ORC5: variants seen among roughly 807,000 people sequenced by gnomAD.
ORC5 encodes the protein protein phosphatase 1, regulatory subunit 117.
In ORC5, 39 loss-of-function variants were observed where a neutral mutation model predicts 58.8. The ratio of observed to expected loss-of-function variants is 0.66; its 90% CI spans 0.51 to 0.87. The LOEUF (loss-of-function observed/expected upper bound fraction) is 0.87. ORC5 is among the 40% of genes least tolerant of loss of function. ORC5 has a pLI of 0.00. For synonymous variants in ORC5, 218 were observed against 177.6 expected (o/e 1.23, Z -1.81); for missense variants, 493 against 506.3 (o/e 0.97, Z 0.25).
intron 6 of ORC5, among the ~76,000 whole-genome samples, chr7:104,186,636 A>G (rs1218310797): frequency 2.0e-5 from 3 of 152,160 alleles, no homozygotes; most frequent in African/African-American, 4.8e-5. Context: ...CCTGAAAAGA[A>G]TATTTTTCAG....
intron 6 of ORC5, among the ~76,000 whole-genome samples, chr7:104,187,306 T>C (rs1297297688): frequency 6.6e-6 from 1 of 152,214 alleles, no homozygotes; most frequent in African/African-American, 2.4e-5. Flanking sequence ...GCTGAGAAGA[T>C]GTCTGAAATC....
At chr7:104,205,840 T>C (rs1299958878) in intron 1 of ORC5, among the ~76,000 whole-genome samples, 1 of 151,974 alleles carries the variant, frequency 6.6e-6, no homozygotes, top group African/African-American at 2.4e-5. Flanking sequence ...TGAAACCCCA[T>C]CTCTACAAAA....
chr7:104,201,032 C>A, intron 2 of ORC5, 74 bp from the exon 3 acceptor site: 1 of 1,269,448 alleles, frequency 7.9e-7, no homozygotes, highest in Non-Finnish European at 1.1e-6. Context: ...GCTGGATAGT[C>A]TCCATTTGCC....
chr7:104,190,997 T>C, intron 5 of ORC5, among the ~76,000 whole-genome samples: 1 of 151,452 alleles, frequency 6.6e-6, no homozygotes, highest in African/African-American at 2.4e-5. Context: ...TATTAAGGAA[T>C]ATTTAAACAC....
chr7:104,205,083 A>AAT (rs1176360713), intron 1 of ORC5, among the ~76,000 whole-genome samples: 9 of 91,144 alleles, frequency 9.9e-5, no homozygotes, highest in Admixed American at 2.1e-4. Flanking sequence ...TTTTAATAAT[A>AAT]CTCTTTTTTT....
At chr7:104,206,871 G>A (rs550722980) in intron 1 of ORC5, among the ~76,000 whole-genome samples, 1 of 152,172 alleles carries the variant, frequency 6.6e-6, no homozygotes, top group African/African-American at 2.4e-5. Context: ...CCGCTGTAGA[G>A]GTTTATAGCC....
chr7:104,205,513 C>T (rs1016917359), intron 1 of ORC5, among the ~76,000 whole-genome samples: 1 of 152,146 alleles, frequency 6.6e-6, no homozygotes, highest in African/African-American at 2.4e-5. Context: ...TTATTACATT[C>T]AAGTCACTAA....
chr7:104,145,801 A>G (rs1798744605), intron 12 of ORC5, among the ~76,000 whole-genome samples: 1 of 152,160 alleles, frequency 6.6e-6, no homozygotes, highest in African/African-American at 2.4e-5. Flanking sequence ...TTCCCCACCC[A>G]AGAGCGAAAG....
chr7:104,147,814 T>G (rs551885797), intron 12 of ORC5, among the ~76,000 whole-genome samples: 153 of 152,314 alleles, frequency 1.0e-3, no homozygotes, highest in African/African-American at 3.4e-3. Flanking sequence ...ATACTTCACA[T>G]TGGGTGTTGA....
At position 104,173,487 on chromosome 7, in the gene ORC5, C is replaced by A. The variant is rs1042342478; in HGVS notation, c.825-4962G>T. ...CAAGATCACCTTCAGAAGGAATCAG[C>A]AATTCTTAGAACTGGTATATAGTAC... On this transcript the variant is annotated intron_variant, in intron 8 of 13. Transcript: ENST00000297431. 3.9e-5 allele frequency among the ~76,000 whole-genome samples: 6 copies of A among 152,286 alleles called. No individual in the cohort carries two copies. The East Asian group carries it at 7.7e-4, about 20-fold the overall frequency.
intron 12 of ORC5, among the ~76,000 whole-genome samples, chr7:104,137,324 T>C (rs1798606505): frequency 6.6e-6 from 1 of 151,896 alleles, no homozygotes; most frequent in Non-Finnish European, 1.5e-5. Flanking sequence ...CTCACTGTGT[T>C]GTCCAGGCTG....
Position 104,197,783 on chromosome 7 carries a change from T to G in ORC5, c.383A>C (p.Glu128Ala). ...QTVYIVLDKA[E>A]YLRDMEANLL... The stretch of plus-strand genomic sequence containing the variant: ...ATTTGCTTCCATATCTCTTAGATAC[T>G]CTGCTTTATCTAGAACCTTTAAAAA... Residue 128 changes from glutamate (E) to alanine (A), a missense_variant, in exon 4 of 14, where the codon GAG (glutamate) becomes GCG (alanine). Coordinates refer to ENST00000297431, the MANE Select transcript of ORC5 (RefSeq NM_002553.4). 1 of 1,582,920 alleles carries G rather than the reference T, an allele frequency of 6.3e-7. No individual in the cohort carries two copies. Among genetic ancestry groups the G allele is most frequent in the Non-Finnish European group, 8.6e-7 (1 of 1,165,584 alleles).
At chr7:104,176,728 C>T (rs893590620) in intron 8 of ORC5, among the ~76,000 whole-genome samples, 3 of 152,048 alleles carry the variant, frequency 2.0e-5, no homozygotes, top group African/African-American at 7.2e-5. Context: ...TAGTTCAATA[C>T]TTTTTTAAAT....
intron 9 of ORC5, 29 bp from the exon 10 acceptor site, chr7:104,166,913 C>G: frequency 2.4e-6 from 3 of 1,241,330 alleles, no homozygotes; most frequent in Non-Finnish European, 3.5e-6. Context: ...TGATGAAGTA[C>G]TTATTAGGCT....
At chr7:104,187,796 T>C in intron 6 of ORC5, 1 of 984,974 alleles carries the variant, frequency 1.0e-6, no homozygotes, top group Non-Finnish European at 1.2e-6. Flanking sequence ...AGACCTGCAA[T>C]GAAAGCTTCT....
At chr7:104,197,582 C>T (rs1799830229) in intron 4 of ORC5, 143 bp downstream of exon 4, 3 of 532,038 alleles carry the variant, frequency 5.6e-6, no homozygotes, top group Non-Finnish European at 9.9e-6. Context: ...GAAAAAAACA[C>T]TGAGCTTTAC....
At chr7:104,206,796 TAGACACTTTTAGATGC>T (rs1800097890) in intron 1 of ORC5, among the ~76,000 whole-genome samples, 1 of 152,206 alleles carries the variant, frequency 6.6e-6, no homozygotes, top group Non-Finnish European at 1.5e-5. Context: ...TTTCTATGTT[TAGACACTTTTAGATGC>T]AGACTTATCA....
intron 11 of ORC5, among the ~76,000 whole-genome samples, chr7:104,164,918 C>A (rs1225067935): frequency 6.6e-6 from 1 of 152,064 alleles, no homozygotes; most frequent in African/African-American, 2.4e-5. Flanking sequence ...GTTGTGGGTG[C>A]TTCAAAGGGG....
At chr7:104,185,031 C>A (rs1334957252) in intron 6 of ORC5, among the ~76,000 whole-genome samples, 3 of 132,804 alleles carry the variant, frequency 2.3e-5, no homozygotes, top group African/African-American at 8.2e-5. Flanking sequence ...AGCTGGCCCC[C>A]CTTTCTGCCC....
Sources: allele counts gnomAD v4.1 joint callset (sites outside exome capture counted in the v4.1 genomes callset), GRCh38; gene constraint gnomAD v4.1.1; transcripts MANE v1.5; gene names NCBI Gene and HGNC (gene_info 2026-07-23, HGNC 2026-07-21).